The following STX8 variants were observed in gnomAD, a reference collection of about 807,000 sequenced individuals.
STX8 encodes the protein syntaxin-8.
Under a neutral mutation model 37.5 loss-of-function variants are expected in STX8, and 23 were observed. The observed-to-expected ratio is 0.61, with a 90% CI of 0.44 to 0.87. The LOEUF (loss-of-function observed/expected upper bound fraction) is 0.87, where lower values mean the gene tolerates loss of function less well. Among genes scored for constraint, STX8 ranks in the 40% least tolerant of loss-of-function variants. STX8 has a pLI of 0.00. For synonymous variants in STX8, 115 were observed against 99.1 expected, an observed-to-expected ratio of 1.16 and a Z score of -0.95; for missense variants, 313 against 284.7, an observed-to-expected ratio of 1.10 and a Z score of -0.71.
intron 6 of STX8, among the ~76,000 whole-genome samples, chr17:9,395,440 A>G (rs1912367337): frequency 6.6e-6 from 1 of 151,900 alleles, no homozygotes. Context: ...AATAAAAAAA[A>G]TCAGCCAGGC....
At chr17:9,265,143 A>T (rs1288451870) in intron 7 of STX8, among the ~76,000 whole-genome samples, 7 of 151,350 alleles carry the variant, frequency 4.6e-5, no homozygotes, top group Non-Finnish European at 1.0e-4. Context: ...AAAAAAAAAA[A>T]GCTGTCACCT....
intron 6 of STX8, among the ~76,000 whole-genome samples, chr17:9,384,209 T>C (rs137874118): frequency 0.012 from 1,888 of 152,136 alleles, 45 homozygotes; most frequent in African/African-American, 0.042. Context: ...TTTTTTTCAA[T>C]TGACAGATAT....
intron 6 of STX8, among the ~76,000 whole-genome samples, chr17:9,410,373 ACATT>A (rs1404988075): frequency 1.3e-5 from 2 of 152,326 alleles, no homozygotes; most frequent in African/African-American, 4.8e-5. Flanking sequence ...TCCTTCCTTA[ACATT>A]CATTATCTAA....
intron 6 of STX8, among the ~76,000 whole-genome samples, chr17:9,411,641 A>G (rs1410487178): frequency 1.3e-5 from 2 of 152,236 alleles, no homozygotes; most frequent in African/African-American, 4.8e-5. Context: ...AACAATATAC[A>G]TAACAGGATC....
intron 7 of STX8, among the ~76,000 whole-genome samples, chr17:9,312,263 G>A (rs1185396889): frequency 6.6e-6 from 1 of 151,738 alleles, no homozygotes; most frequent in African/African-American, 2.4e-5. Context: ...GTGCAGTGGC[G>A]TGATCTTGGC....
At chr17:9,331,963 G>C (rs1444091481) in intron 7 of STX8, among the ~76,000 whole-genome samples, 1 of 152,168 alleles carries the variant, frequency 6.6e-6, no homozygotes, top group Non-Finnish European at 1.5e-5. Flanking sequence ...ATCTGAAACT[G>C]TTGGCACAGC....
intron 7 of STX8, among the ~76,000 whole-genome samples, chr17:9,277,179 G>A (rs781166511): frequency 1.4e-4 from 21 of 152,272 alleles, no homozygotes; most frequent in African/African-American, 3.6e-4. Context: ...GGTTTAATGC[G>A]GATGAACATC....
At chr17:9,486,207 T>C (rs1167251533) in intron 6 of STX8, among the ~76,000 whole-genome samples, 1 of 152,134 alleles carries the variant, frequency 6.6e-6, no homozygotes, top group African/African-American at 2.4e-5. Flanking sequence ...CCAAACAGCA[T>C]TTCCCAATAA....
chr17:9,571,043 A>C (rs920793454), intron 1 of STX8, among the ~76,000 whole-genome samples: 3 of 152,158 alleles, frequency 2.0e-5, no homozygotes, highest in African/African-American at 7.2e-5. Flanking sequence ...GATGAGTAGA[A>C]GCTAGTTTCT....
intron 6 of STX8, among the ~76,000 whole-genome samples, chr17:9,465,759 A>G (rs11078804): frequency 0.87 from 131,836 of 152,128 alleles, 57,185 homozygotes; most frequent in East Asian, 1. Context: ...GACTGAAGCC[A>G]GGGCAGCCAC....
intron 6 of STX8, among the ~76,000 whole-genome samples, chr17:9,392,727 G>A (rs1194922019): frequency 6.6e-6 from 1 of 152,158 alleles, no homozygotes; most frequent in African/African-American, 2.4e-5. Flanking sequence ...TTTTGAAACT[G>A]AAAAACACAA....
chr17:9,506,007 A>G (rs962524507), intron 4 of STX8, among the ~76,000 whole-genome samples: 2 of 151,826 alleles, frequency 1.3e-5, no homozygotes, highest in Non-Finnish European at 2.9e-5. Flanking sequence ...GGGTTTCAAT[A>G]CCAATTTTGT....
At chr17:9,380,569 G>A (rs565248221) in intron 6 of STX8, among the ~76,000 whole-genome samples, 6 of 151,780 alleles carry the variant, frequency 4.0e-5, no homozygotes, top group Non-Finnish European at 7.4e-5. Flanking sequence ...TTCTTACAGT[G>A]AGCCTATATA....
chr17:9,302,871 A>G (rs1035034659), intron 7 of STX8, among the ~76,000 whole-genome samples: 7 of 152,034 alleles, frequency 4.6e-5, no homozygotes, highest in Admixed American at 1.3e-4. Context: ...GGGGTGGTGG[A>G]AAGATTCAGT....
intron 7 of STX8, among the ~76,000 whole-genome samples, chr17:9,373,215 G>A (rs756225752): frequency 2.0e-5 from 3 of 152,016 alleles, no homozygotes; most frequent in African/African-American, 4.8e-5. Context: ...TAATATGAAG[G>A]TTCCTCAAAC....
intron 2 of STX8, among the ~76,000 whole-genome samples, chr17:9,560,747 G>GTTT (rs11306412): frequency 6.8e-6 from 1 of 147,356 alleles, no homozygotes. Context: ...GCACAGTTTG[G>GTTT]TTTTTTTTTT....
chr17:9,320,190 G>C (rs2142203268), intron 7 of STX8, among the ~76,000 whole-genome samples: 1 of 151,700 alleles, frequency 6.6e-6, no homozygotes, highest in East Asian at 1.9e-4. Context: ...AAAAATAACT[G>C]GGCATGGTGG....
At chr17:9,317,120 A>G (rs1230140535) in intron 7 of STX8, among the ~76,000 whole-genome samples, 2 of 152,212 alleles carry the variant, frequency 1.3e-5, no homozygotes, top group Non-Finnish European at 2.9e-5. Context: ...GATCTAACAC[A>G]AGAGAGGACA....
chr17:9,501,250 A>C (rs1280303493), intron 5 of STX8, among the ~76,000 whole-genome samples: 2 of 152,228 alleles, frequency 1.3e-5, no homozygotes, highest in African/African-American at 2.4e-5. Flanking sequence ...AAGACCTAGA[A>C]TATCCAATAA....
Sources: allele counts gnomAD v4.1 joint callset (sites outside exome capture counted in the v4.1 genomes callset), GRCh38; gene constraint gnomAD v4.1.1; transcripts MANE v1.5; gene names NCBI Gene and HGNC (gene_info 2026-07-23, HGNC 2026-07-21).